Variants in DCAF5 observed in about 807,000 individuals in gnomAD.
DCAF5 encodes the protein DDB1- and CUL4-associated factor 5.
In DCAF5, 9 loss-of-function variants were observed where a neutral mutation model predicts 80.7. The ratio of observed to expected loss-of-function variants is 0.11; its 90% CI spans 0.07 to 0.19. The LOEUF is 0.19. DCAF5 is among the 10% of genes least tolerant of loss of function. The pLI is 1.00. For synonymous variants in DCAF5, 433 were observed against 461.9 expected, an observed-to-expected ratio of 0.94 and a Z score of 0.80; for missense variants, 842 against 1,205.7, an observed-to-expected ratio of 0.70 and a Z score of 4.47.
At chr14:69,128,884 G>A (rs932651722) in intron 1 of DCAF5, among the ~76,000 whole-genome samples, 1 of 152,212 alleles carries the variant, frequency 6.6e-6, no homozygotes, top group South Asian at 2.1e-4. Flanking sequence ...TTGAAAGGTC[G>A]AGGTGGGAGG....
Position 69,118,402 on chromosome 14 carries a change from C to A in DCAF5, c.396-124G>T. On this transcript the variant is annotated intron_variant, in intron 3 of 8. Transcript: ENST00000341516. This position sits in a 1 kb window ranked among gnomAD's most constrained non-coding sequence, Gnocchi z 4.0. ...TAGAAGAAAGTCAACCTAGCTAAAC[C>A]CAAAAAATATTATATTTCCTGAAAG... 3 of 969,130 alleles carry A rather than the reference C, an allele frequency of 3.1e-6. No individual in the cohort carries two copies. The highest frequency in any genetic ancestry group is 4.3e-6 in the Non-Finnish European group (3 of 693,770). 60.0% of individuals were successfully genotyped at this position (969,130 alleles called of 1,614,324 possible).
Position 69,152,506 on chromosome 14 carries a change from C to T in DCAF5, c.214+259G>A. ...CGACCTACACTTTCAGGGCAGGCAT[C>T]AGGAGAGATCACTTTGCACTTGGGA... On this transcript the variant is annotated intron_variant, in intron 1 of 8. Transcript: ENST00000341516. This position sits in a 1 kb window ranked among gnomAD's most constrained non-coding sequence, Gnocchi z 4.1. 2.0e-6 allele frequency: 1 copy of T among 496,442 alleles called. No individual in the cohort carries two copies. The highest frequency in any genetic ancestry group is 3.7e-6 in the Non-Finnish European group (1 of 273,042). The allele number at this position is 496,442 out of a possible 1,614,324, so 30.8% of individuals were successfully genotyped here.
intron 6 of DCAF5, chr14:69,085,292 G>T (rs1279823920): frequency 1.1e-5 from 8 of 716,276 alleles, no homozygotes; most frequent in Non-Finnish European, 1.8e-5. Flanking sequence ...GTAGGCAGTG[G>T]TGGATTTGGC....
chr14:69,082,488 CA>C (rs2039146322), intron 6 of DCAF5, among the ~76,000 whole-genome samples: 2 of 151,968 alleles, frequency 1.3e-5, no homozygotes, highest in Non-Finnish European at 2.9e-5. Flanking sequence ...TCCATAAAGG[CA>C]GCCAATAACA....
At chr14:69,108,812 C>T (rs1238476262) in intron 5 of DCAF5, among the ~76,000 whole-genome samples, 1 of 152,118 alleles carries the variant, frequency 6.6e-6, no homozygotes, top group Admixed American at 6.6e-5. Flanking sequence ...CCGACTAAAG[C>T]TAATCATTGT....
intron 5 of DCAF5, among the ~76,000 whole-genome samples, chr14:69,115,531 T>C (rs1189156438): frequency 1.3e-5 from 2 of 152,208 alleles, no homozygotes; most frequent in Admixed American, 1.3e-4. Context: ...ATTACATCTA[T>C]GCAGAATTTC....
chr14:69,080,310 C>G (rs2039054311), intron 6 of DCAF5, among the ~76,000 whole-genome samples: 2 of 152,096 alleles, frequency 1.3e-5, no homozygotes, highest in Non-Finnish European at 2.9e-5. Flanking sequence ...AAGAGGACCA[C>G]CAGGACACTG....
intron 1 of DCAF5, among the ~76,000 whole-genome samples, chr14:69,127,658 A>G (rs2040918381): frequency 6.6e-6 from 1 of 152,212 alleles, no homozygotes; most frequent in African/African-American, 2.4e-5. Context: ...AGTGTTTATG[A>G]TGTGTCAGTA....
At chr14:69,068,264 A>G (rs1273998689) in intron 7 of DCAF5, among the ~76,000 whole-genome samples, 1 of 152,250 alleles carries the variant, frequency 6.6e-6, no homozygotes, top group Non-Finnish European at 1.5e-5. Context: ...AGGATACTCA[A>G]TAAGTGAACA....
At chr14:69,120,542 T>C (rs2040688087) in intron 2 of DCAF5, among the ~76,000 whole-genome samples, 1 of 152,142 alleles carries the variant, frequency 6.6e-6, no homozygotes, top group Non-Finnish European at 1.5e-5. Flanking sequence ...AAATGGTTTG[T>C]ATAGCAAAAA....
Position 69,118,584 on chromosome 14 carries a change from T to G in DCAF5, c.396-306A>C, listed in dbSNP as rs1372795717. ...AGAATGCATCTGCTTGTGTACAGAT[T>G]TGGGGGTCATACTTGATTTTCAAAA... On this transcript the variant is annotated intron_variant, in intron 3 of 8. Coordinates refer to ENST00000341516, the MANE Select transcript of DCAF5 (RefSeq NM_003861.3). The surrounding 1 kb of genome is among the most constrained non-coding windows in gnomAD (Gnocchi z 4.0). Among the ~76,000 whole-genome samples the G allele has an allele frequency of 6.6e-6, 1 of 152,146 alleles. No individual in the cohort carries two copies. Among genetic ancestry groups the G allele is most frequent in the Non-Finnish European group, 1.5e-5 (1 of 68,016 alleles).
intron 6 of DCAF5, chr14:69,090,296 C>G (rs1190146638): frequency 3.1e-5 from 6 of 191,002 alleles, no homozygotes; most frequent in Non-Finnish European, 2.9e-5. Context: ...ACTGTTTCTT[C>G]CCACCCAAGA....
At position 69,053,659 on chromosome 14, in the gene DCAF5, A is replaced by G. The variant is rs963078177; in HGVS notation, c.*198T>C. On this transcript the variant is annotated 3_prime_UTR_variant, in exon 9 of 9. Transcript: ENST00000341516. The stretch of plus-strand genomic sequence containing the variant: ...ATTTTTTTTTCCCCTTTCTTAACAC[A>G]GCACAAGCCAATGGCCAGCTAGACA... The G allele has an allele frequency of 5.3e-6, 3 of 570,142 alleles. No homozygotes were observed. Among genetic ancestry groups the G allele is most frequent in the African/African-American group, 3.9e-5 (2 of 51,564 alleles). 35.3% of individuals were successfully genotyped at this position (570,142 alleles called of 1,614,324 possible). A position where few individuals can be genotyped will look rare whatever the true frequency, so the allele number is the denominator to read the frequency against.
At position 69,053,855 on chromosome 14, in the gene DCAF5, T is replaced by C; in HGVS notation, c.*2A>G. 1 of 1,593,624 alleles carries C rather than the reference T, an allele frequency of 6.3e-7. No individual in the cohort carries two copies. The highest frequency in any genetic ancestry group is 2.2e-5 in the East Asian group (1 of 44,820). On this transcript the variant is annotated 3_prime_UTR_variant, in exon 9 of 9. Transcript: ENST00000341516. ...TAGCTTTTTGTTTTCCCTTTGTATT[T>C]ATCATGTTTTTAATTTCTTCTCTGA...
At chr14:69,120,890 T>C (rs978740831) in intron 2 of DCAF5, among the ~76,000 whole-genome samples, 1 of 152,226 alleles carries the variant, frequency 6.6e-6, no homozygotes, top group African/African-American at 2.4e-5. Context: ...CTTGCAGCAA[T>C]ATGATCTAGC....
chr14:69,053,597 T>A lies in DCAF5; in HGVS notation c.*260A>T, dbSNP rs182149954. On this transcript the variant is annotated 3_prime_UTR_variant, in exon 9 of 9. Coordinates refer to ENST00000341516, the MANE Select transcript of DCAF5 (RefSeq NM_003861.3). ...TTCCACAGAGCCTTGCGCGGCACAC[T>A]ACGCTCACGTCTCACTAGAAAGGAG... 2 of 446,492 alleles carry A rather than the reference T, an allele frequency of 4.5e-6. No homozygotes were observed. The highest frequency in any genetic ancestry group is 4.1e-5 in the East Asian group (1 of 24,656). The allele number at this position is 446,492 out of a possible 1,614,324, so 27.7% of individuals were successfully genotyped here.
chr14:69,136,192 T>C (rs974904558), intron 1 of DCAF5, among the ~76,000 whole-genome samples: 1 of 147,990 alleles, frequency 6.8e-6, no homozygotes, highest in Non-Finnish European at 1.5e-5. Flanking sequence ...CATAGCTCAC[T>C]GCAGCCTCAA....
At chr14:69,071,627 A>AGAAT (rs928328294) in intron 7 of DCAF5, among the ~76,000 whole-genome samples, 14 of 152,208 alleles carry the variant, frequency 9.2e-5, no homozygotes, top group South Asian at 8.3e-4. Flanking sequence ...GGAGAGAGAG[A>AGAAT]GAATGAATGA....
chr14:69,134,690 C>G (rs1368337841), intron 1 of DCAF5, among the ~76,000 whole-genome samples: 1 of 152,188 alleles, frequency 6.6e-6, no homozygotes, highest in Non-Finnish European at 1.5e-5. Context: ...TTAAAATATT[C>G]AGACTCACTA....
Sources: gnomAD v4.1 joint callset for allele counts (sites outside exome capture counted in the v4.1 genomes callset) on GRCh38, gnomAD v4.1.1 for gene constraint, Gnocchi (gnomAD v3.1) non-coding constraint, MANE v1.5 for transcripts, NCBI Gene and HGNC (gene_info 2026-07-23, HGNC 2026-07-21) for gene names.